GALNTL6: variants seen among roughly 807,000 people sequenced by gnomAD.
GALNTL6 encodes the protein polypeptide N-acetylgalactosaminyltransferase-like 6.
Under a neutral mutation model 73.7 loss-of-function variants are expected in GALNTL6, and 46 were observed. The observed-to-expected ratio is 0.62, with a 90% CI of 0.49 to 0.80. The LOEUF (loss-of-function observed/expected upper bound fraction) is 0.80, where lower values mean the gene tolerates loss of function less well. Among genes scored for constraint, GALNTL6 ranks in the 30% least tolerant of loss-of-function variants. GALNTL6 has a pLI of 0.00. For missense variants in GALNTL6, 604 were observed against 755.0 expected, an observed-to-expected ratio of 0.80 and a Z score of 2.34; for synonymous variants, 259 against 263.7, an observed-to-expected ratio of 0.98 and a Z score of 0.17.
intron 2 of GALNTL6, among the ~76,000 whole-genome samples, chr4:171,832,063 A>G (rs1191443736): frequency 6.6e-6 from 1 of 151,368 alleles, no homozygotes; most frequent in Non-Finnish European, 1.5e-5. Context: ...TAATTGATAA[A>G]TTTATTATAT....
At chr4:172,099,740 G>A (rs1170370818) in intron 2 of GALNTL6, among the ~76,000 whole-genome samples, 1 of 152,096 alleles carries the variant, frequency 6.6e-6, no homozygotes, top group African/African-American at 2.4e-5. Flanking sequence ...AACATATCTA[G>A]GAATTAAAAT....
At chr4:172,587,119 G>T (rs1737441886) in intron 5 of GALNTL6, among the ~76,000 whole-genome samples, 1 of 141,352 alleles carries the variant, frequency 7.1e-6, no homozygotes, top group Non-Finnish European at 1.6e-5. Flanking sequence ...AAATATTGGG[G>T]TTCTAAGAAA....
At chr4:172,082,364 T>C (rs1731904089) in intron 2 of GALNTL6, among the ~76,000 whole-genome samples, 1 of 152,144 alleles carries the variant, frequency 6.6e-6, no homozygotes, top group African/African-American at 2.4e-5. Context: ...TGAGATGCCT[T>C]TCAGAAATCC....
intron 2 of GALNTL6, among the ~76,000 whole-genome samples, chr4:172,161,297 G>A (rs1266574216): frequency 6.6e-6 from 1 of 151,852 alleles, no homozygotes; most frequent in Non-Finnish European, 1.5e-5. Flanking sequence ...ATGTATATGT[G>A]TATATTTTTT....
intron 2 of GALNTL6, among the ~76,000 whole-genome samples, chr4:172,058,659 C>G (rs1234290650): frequency 6.6e-6 from 1 of 152,064 alleles, no homozygotes; most frequent in African/African-American, 2.4e-5. Flanking sequence ...ATCTATACTT[C>G]TTTTCATATA....
intron 2 of GALNTL6, among the ~76,000 whole-genome samples, chr4:171,988,898 AG>A (rs1740218014): frequency 6.6e-6 from 1 of 151,968 alleles, no homozygotes; most frequent in South Asian, 2.1e-4. Flanking sequence ...ACACAAGGGG[AG>A]GATGTGAAGG....
intron 5 of GALNTL6, among the ~76,000 whole-genome samples, chr4:172,469,997 G>A (rs752359186): frequency 1.1e-4 from 17 of 152,148 alleles, no homozygotes; most frequent in Non-Finnish European, 2.2e-4. Context: ...GGAAAATGAT[G>A]TATATTTTTC....
At chr4:173,021,394 A>C in intron 11 of GALNTL6, 82 bp from the exon 12 acceptor site, 1 of 1,419,620 alleles carries the variant, frequency 7.0e-7, no homozygotes. Flanking sequence ...CTACATTGCT[A>C]AAAGACATAC....
chr4:172,314,457 T>A (rs1171641161), intron 4 of GALNTL6, among the ~76,000 whole-genome samples: 1 of 152,114 alleles, frequency 6.6e-6, no homozygotes, highest in Non-Finnish European at 1.5e-5. Flanking sequence ...ACTCCCTGTA[T>A]ATTTAAGTGC....
At chr4:172,727,767 A>C (rs1185688425) in intron 5 of GALNTL6, among the ~76,000 whole-genome samples, 1 of 152,030 alleles carries the variant, frequency 6.6e-6, no homozygotes, top group Non-Finnish European at 1.5e-5. Flanking sequence ...AAACAATAAG[A>C]AAACTCTTAA....
At chr4:171,833,068 G>T in intron 2 of GALNTL6, among the ~76,000 whole-genome samples, 1 of 151,776 alleles carries the variant, frequency 6.6e-6, no homozygotes, top group East Asian at 1.9e-4. Context: ...CCTAAGGCCT[G>T]TTTCACGTGT....
At chr4:171,922,070 GTA>G (rs2110980350) in intron 2 of GALNTL6, among the ~76,000 whole-genome samples, 1 of 151,566 alleles carries the variant, frequency 6.6e-6, no homozygotes, top group Non-Finnish European at 1.5e-5. Flanking sequence ...TAGTTTCATA[GTA>G]TGTGTGTGTG....
rs1462450202 is a variant in GALNTL6 at position 171,909,989 on chromosome 4, A to C, written c.138+95271A>C. Among the ~76,000 whole-genome samples the C allele has an allele frequency of 2.6e-5, 4 of 152,158 alleles. No individual in the cohort carries two copies. The East Asian group carries it at 5.8e-4, about 22-fold the overall frequency. ...TTTTGGAATATGAACAATAATTGTG[A>C]AGATTTTTAATATATCAATATAATA... On this transcript the variant is annotated intron_variant, in intron 2 of 12. Coordinates refer to ENST00000506823, the MANE Select transcript of GALNTL6 (RefSeq NM_001034845.3).
chr4:172,436,348 C>A lies in GALNTL6; in HGVS notation c.553+87659C>A, dbSNP rs186230816. ...ATGAGATAAAAGAGATTTTTAAAAC[C>A]ATTCAGTCCAAGAAGTAATGAGACA... is the stretch of plus-strand genomic sequence containing the variant. On this transcript the variant is annotated intron_variant, in intron 5 of 12. Coordinates refer to ENST00000506823, the MANE Select transcript of GALNTL6 (RefSeq NM_001034845.3). 4.1e-4 allele frequency among the ~76,000 whole-genome samples: 63 copies of A among 152,070 alleles called. 1 individual carries two copies. The highest frequency in any genetic ancestry group is 3.4e-3 in the Middle Eastern group (1 of 294).
chr4:172,110,383 A>G (rs945021379), intron 2 of GALNTL6, among the ~76,000 whole-genome samples: 3 of 152,232 alleles, frequency 2.0e-5, no homozygotes, highest in Non-Finnish European at 2.9e-5. Flanking sequence ...TGTTGCATCA[A>G]AAATCTTTTA....
At chr4:172,092,729 A>C (rs1732239255) in intron 2 of GALNTL6, among the ~76,000 whole-genome samples, 1 of 152,032 alleles carries the variant, frequency 6.6e-6, no homozygotes. Context: ...GACACACAGA[A>C]TCTTTCTCTT....
At chr4:172,481,122 C>T (rs990649063) in intron 5 of GALNTL6, among the ~76,000 whole-genome samples, 12 of 152,060 alleles carry the variant, frequency 7.9e-5, no homozygotes, top group Admixed American at 3.9e-4. Context: ...TGGACGTGTT[C>T]GGAGTTTCTT....
At chr4:172,852,192 G>C (rs1743859926) in intron 7 of GALNTL6, among the ~76,000 whole-genome samples, 1 of 152,096 alleles carries the variant, frequency 6.6e-6, no homozygotes, top group African/African-American at 2.4e-5. Context: ...AACCTCAGCA[G>C]CTCAGCATAT....
chr4:172,648,960 T>C (rs1050375322), intron 5 of GALNTL6, among the ~76,000 whole-genome samples: 1 of 152,200 alleles, frequency 6.6e-6, no homozygotes, highest in Non-Finnish European at 1.5e-5. Context: ...ACAACTACAC[T>C]TAGTTCAGAT....
Sources: gnomAD v4.1 joint callset for allele counts (sites outside exome capture counted in the v4.1 genomes callset) on GRCh38, gnomAD v4.1.1 for gene constraint, MANE v1.5 for transcripts, NCBI Gene and HGNC (gene_info 2026-07-23, HGNC 2026-07-21) for gene names.